SEPTIN9: variants seen among roughly 807,000 people sequenced by gnomAD.
SEPTIN9 encodes septin 9, also known as septin-9.
In SEPTIN9, 13 loss-of-function variants were observed where a neutral mutation model predicts 56.6. The ratio of observed to expected loss-of-function variants is 0.23; its 90% CI spans 0.15 to 0.37. The LOEUF (loss-of-function observed/expected upper bound fraction) is 0.37. Ranked by LOEUF, SEPTIN9 falls within the 10% of genes least tolerant of loss-of-function variation. The probability of loss-of-function intolerance (pLI) is 1.00; values close to 1 mark genes in which losing one functional copy is unlikely to be tolerated. For missense variants in SEPTIN9, 650 were observed against 823.1 expected (o/e 0.79, Z 2.57); for synonymous variants, 332 against 334.1 (o/e 0.99, Z 0.07).
At chr17:77,454,048 TG>T in intron 3 of SEPTIN9, 1 of 985,224 alleles carries the variant, frequency 1.0e-6, no homozygotes, top group Non-Finnish European at 1.2e-6. Flanking sequence ...CCTCTCTCCC[TG>T]GCCGGGAGTG....
chr17:77,293,109 T>G (rs978012127), intron 1 of SEPTIN9, among the ~76,000 whole-genome samples: 1 of 152,030 alleles, frequency 6.6e-6, no homozygotes, highest in Non-Finnish European at 1.5e-5. Context: ...CTTGAACTCC[T>G]GAGCTCAAGC....
At position 77,329,960 on chromosome 17, in the gene SEPTIN9, G is replaced by T. The variant is rs2033284668; in HGVS notation, c.76+22763G>T. On this transcript the variant is annotated intron_variant, in intron 2 of 11. Transcript: ENST00000427177. The surrounding 1 kb of genome is among the most constrained non-coding windows in gnomAD (Gnocchi z 4.3). Reference sequence around the variant, plus strand: ...CTGGCCAGGCAGGTGGGTGGGGGCTGCAGTCCATGCCCCCGCTCCAGGCAA... The same window carrying T: ...CTGGCCAGGCAGGTGGGTGGGGGCTTCAGTCCATGCCCCCGCTCCAGGCAA... Among the ~76,000 whole-genome samples the T allele has an allele frequency of 6.6e-6, 1 of 152,164 alleles. No homozygotes were observed. Among genetic ancestry groups the T allele is most frequent in the Non-Finnish European group, 1.5e-5 (1 of 68,026 alleles).
At chr17:77,364,891 C>G (rs963566400) in intron 2 of SEPTIN9, among the ~76,000 whole-genome samples, 1 of 152,262 alleles carries the variant, frequency 6.6e-6, no homozygotes, top group Non-Finnish European at 1.5e-5. Flanking sequence ...CAGGCCCAGG[C>G]CGCTGAGGCT....
At chr17:77,470,468 A>G (rs1315595335) in intron 3 of SEPTIN9, among the ~76,000 whole-genome samples, 11 of 151,534 alleles carry the variant, frequency 7.3e-5, no homozygotes, top group Non-Finnish European at 1.0e-4. Flanking sequence ...CTACTCATCC[A>G]CTCACCCACC....
rs2040407181 is a variant in SEPTIN9 at position 77,499,212 on chromosome 17, C to T, written c.*554C>T. On this transcript the variant is annotated 3_prime_UTR_variant, in exon 12 of 12. Transcript: ENST00000427177. Reference sequence around the variant, plus strand: ...CTGCCCTGCTCCTAAGGGTAGAAAACTCCAGGGTCCCCTGCCACCGACTGC... The same window carrying T: ...CTGCCCTGCTCCTAAGGGTAGAAAATTCCAGGGTCCCCTGCCACCGACTGC... The T allele has an allele frequency of 1.8e-6, 1 of 565,024 alleles. No individual in the cohort carries two copies. Among genetic ancestry groups the T allele is most frequent in the Non-Finnish European group, 3.4e-6 (1 of 292,744 alleles). 35.0% of individuals were successfully genotyped at this position (565,024 alleles called of 1,614,324 possible).
rs559451184 is a variant in SEPTIN9 at position 77,425,790 on chromosome 17, T to C, written c.721+23087T>C. ...AGCCAGCAGAGTTTTACCTGTGTGC[T>C]TAGAATCTGTGCGTGGAGCCAGAAG... On this transcript the variant is annotated intron_variant, in intron 3 of 11. Transcript: ENST00000427177. This position sits in a 1 kb window ranked among gnomAD's most constrained non-coding sequence, Gnocchi z 4.2. 6.7e-6 allele frequency among the ~76,000 whole-genome samples: 1 copy of C among 148,160 alleles called. No individual in the cohort carries two copies. Among genetic ancestry groups the C allele is most frequent in the South Asian group, 2.4e-4 (1 of 4,230 alleles).
intron 3 of SEPTIN9, among the ~76,000 whole-genome samples, chr17:77,423,811 G>T (rs1053270803): frequency 6.6e-6 from 1 of 152,202 alleles, no homozygotes; most frequent in African/African-American, 2.4e-5. Context: ...GCAGGAGGTG[G>T]GGGTTGCAGA....
rs1229656747 is a variant in SEPTIN9 at position 77,390,445 on chromosome 17, C to G, written c.77-11614C>G. 2.2e-5 allele frequency among the ~76,000 whole-genome samples: 3 copies of G among 139,078 alleles called. No individual in the cohort carries two copies. The South Asian group carries it at 6.7e-4, about 31-fold the overall frequency. The allele number at this position is 139,078 out of a possible 152,430, so 91.2% of individuals were successfully genotyped here. A position where few individuals can be genotyped will look rare whatever the true frequency, so the allele number is the denominator to read the frequency against. ...AGAGGTAAAAAAAAAAAAAACTGCA[C>G]ATTTCGCTTTTTTTTTTTTTTTTTG... On this transcript the variant is annotated intron_variant, in intron 2 of 11. Coordinates refer to ENST00000427177, the MANE Select transcript of SEPTIN9 (RefSeq NM_001113491.2).
chr17:77,421,874 G>A lies in SEPTIN9; in HGVS notation c.721+19171G>A, dbSNP rs374206904. Among the ~76,000 whole-genome samples the A allele has an allele frequency of 6.6e-6, 1 of 151,168 alleles. No homozygotes were observed. The highest frequency in any genetic ancestry group is 2.4e-5 in the African/African-American group (1 of 41,098). On this transcript the variant is annotated intron_variant, in intron 3 of 11. Coordinates refer to ENST00000427177, the MANE Select transcript of SEPTIN9 (RefSeq NM_001113491.2). The surrounding 1 kb of genome is among the most constrained non-coding windows in gnomAD (Gnocchi z 4.6). ...GGAGTGTAGGGATTTTTTTTGAGACGGTCTCTCTCTGTCGCCCAGGCTGGA... is the reference window on the plus strand; with the variant it reads ...GGAGTGTAGGGATTTTTTTTGAGACAGTCTCTCTCTGTCGCCCAGGCTGGA...
intron 10 of SEPTIN9, among the ~76,000 whole-genome samples, chr17:77,494,065 C>T (rs2040152594): frequency 6.6e-6 from 1 of 151,652 alleles, no homozygotes; most frequent in Non-Finnish European, 1.5e-5. Flanking sequence ...GAATGAGCCA[C>T]CGAGCCTGCC....
intron 2 of SEPTIN9, among the ~76,000 whole-genome samples, chr17:77,338,081 C>T (rs550718926): frequency 1.6e-4 from 24 of 152,140 alleles, no homozygotes; most frequent in Non-Finnish European, 3.1e-4. Context: ...CCTGTAGTCC[C>T]AGCTGCTTGG....
rs11537705 is a variant in SEPTIN9 at position 77,498,698 on chromosome 17, A to T, written c.*40A>T. On this transcript the variant is annotated 3_prime_UTR_variant, in exon 12 of 12. Transcript: ENST00000427177. ...ACCCCCGGGATCCTGCCCCCAAGTCATTTCCGTCCCCCCCCAGGCCCTCCC... is the reference window on the plus strand; with the variant it reads ...ACCCCCGGGATCCTGCCCCCAAGTCTTTTCCGTCCCCCCCCAGGCCCTCCC... The T allele has an allele frequency of 0.12, 151,769 of 1,256,088 alleles. 11,799 individuals carry two copies. The highest frequency in any genetic ancestry group is 0.48 in the African/African-American group (24,149 of 50,548). The allele number at this position is 1,256,088 out of a possible 1,614,324, so 77.8% of individuals were successfully genotyped here.
intron 8 of SEPTIN9, 111 bp downstream of exon 8, chr17:77,490,970 G>A (rs903551131): frequency 2.0e-5 from 17 of 860,962 alleles, no homozygotes; most frequent in South Asian, 3.0e-5. Flanking sequence ...AGACCGAACC[G>A]CTGGTCACTC....
rs1034029429 is a variant in SEPTIN9 at position 77,476,571 on chromosome 17, C to T, written c.722-5573C>T. 1.3e-5 allele frequency among the ~76,000 whole-genome samples: 2 copies of T among 152,174 alleles called. No individual in the cohort carries two copies. The highest frequency in any genetic ancestry group is 4.8e-5 in the African/African-American group (2 of 41,438). On this transcript the variant is annotated intron_variant, in intron 3 of 11. Transcript: ENST00000427177. This position sits in a 1 kb window ranked among gnomAD's most constrained non-coding sequence, Gnocchi z 6.0. ...GAAAAGATGGCCCAGTGGACGCCTG[C>T]GGGGAGGAGGGAGCTGGTCCCCAGG...
chr17:77,330,211 C>T lies in SEPTIN9; in HGVS notation c.76+23014C>T, dbSNP rs113058449. On this transcript the variant is annotated intron_variant, in intron 2 of 11. Coordinates refer to ENST00000427177, the MANE Select transcript of SEPTIN9 (RefSeq NM_001113491.2). This position sits in a 1 kb window ranked among gnomAD's most constrained non-coding sequence, Gnocchi z 4.4. The stretch of plus-strand genomic sequence containing the variant: ...CTGTGCCGTGGGTGAGAGAGGGCTT[C>T]GGGGGGACTTCCCCCTCTTGGAGCA... Among the ~76,000 whole-genome samples the T allele has an allele frequency of 7.2e-5, 11 of 152,210 alleles. No homozygotes were observed. The highest frequency in any genetic ancestry group is 1.3e-4 in the Non-Finnish European group (9 of 68,026).
Position 77,499,463 on chromosome 17 carries a change from C to T in SEPTIN9, c.*805C>T, listed in dbSNP as rs2040419703. ...GATAAAAAGGAAGGAGAGATGACCC[C>T]TACCCCCTCATCCCCCAGTTTTGAA... On this transcript the variant is annotated 3_prime_UTR_variant, in exon 12 of 12. Coordinates refer to ENST00000427177, the MANE Select transcript of SEPTIN9 (RefSeq NM_001113491.2). 2 of 523,070 alleles carry T rather than the reference C, an allele frequency of 3.8e-6. No homozygotes were observed. Among genetic ancestry groups the T allele is most frequent in the East Asian group, 3.9e-5 (1 of 25,496 alleles). 32.4% of individuals were successfully genotyped at this position (523,070 alleles called of 1,614,324 possible). A position where few individuals can be genotyped will look rare whatever the true frequency, so the allele number is the denominator to read the frequency against.
chr17:77,350,538 T>C (rs1415829237), intron 2 of SEPTIN9, among the ~76,000 whole-genome samples: 1 of 152,160 alleles, frequency 6.6e-6, no homozygotes, highest in Non-Finnish European at 1.5e-5. Flanking sequence ...ACGTGTTCTC[T>C]AGGAGAAATC....
chr17:77,315,904 A>G (rs1281299941), intron 2 of SEPTIN9, among the ~76,000 whole-genome samples: 1 of 151,898 alleles, frequency 6.6e-6, no homozygotes, highest in Non-Finnish European at 1.5e-5. Flanking sequence ...AACAGTGCCC[A>G]CTCCAGGGTG....
At position 77,310,438 on chromosome 17, in the gene SEPTIN9, C is replaced by T. The variant is rs1051484741; in HGVS notation, c.76+3241C>T. Among the ~76,000 whole-genome samples the T allele has an allele frequency of 3.3e-5, 5 of 152,184 alleles. No individual in the cohort carries two copies. Among genetic ancestry groups the T allele is most frequent in the African/African-American group, 9.7e-5 (4 of 41,444 alleles). Reference sequence around the variant, plus strand: ...CAACGTGACGGCGTGGAGACTTATCCGTGTAGATCCACGAAGCCTTGGTTC... The same window carrying T: ...CAACGTGACGGCGTGGAGACTTATCTGTGTAGATCCACGAAGCCTTGGTTC... On this transcript the variant is annotated intron_variant, in intron 2 of 11. Coordinates refer to ENST00000427177, the MANE Select transcript of SEPTIN9 (RefSeq NM_001113491.2). The surrounding 1 kb of genome is among the most constrained non-coding windows in gnomAD (Gnocchi z 4.7).
Sources: gnomAD v4.1 joint callset for allele counts (sites outside exome capture counted in the v4.1 genomes callset) on GRCh38, gnomAD v4.1.1 for gene constraint, Gnocchi (gnomAD v3.1) non-coding constraint, MANE v1.5 for transcripts, NCBI Gene and HGNC (gene_info 2026-07-23, HGNC 2026-07-21) for gene names.